PDE4B: variants seen among roughly 807,000 people sequenced by gnomAD.
PDE4B encodes the protein phosphodiesterase 4B.
A neutral mutation model predicts 82.2 loss-of-function variants in PDE4B; 20 were observed. The ratio of observed to expected loss-of-function variants is 0.24; its 90% CI spans 0.17 to 0.35. The LOEUF (loss-of-function observed/expected upper bound fraction) is 0.35, where lower values mean the gene tolerates loss of function less well. PDE4B is among the 10% of genes least tolerant of loss of function. The pLI, the probability that PDE4B is intolerant of heterozygous loss-of-function variation, is 1.00. For missense variants in PDE4B, 655 were observed against 907.2 expected, an observed-to-expected ratio of 0.72 and a Z score of 3.57; for synonymous variants, 320 against 318.9, an observed-to-expected ratio of 1.00 and a Z score of -0.04.
chr1:66,320,502 T>C (rs755341907), intron 7 of PDE4B, among the ~76,000 whole-genome samples: 18 of 152,202 alleles, frequency 1.2e-4, no homozygotes, highest in Admixed American at 3.3e-4. Flanking sequence ...GGTGATTTGT[T>C]TGGAGACTAG....
Position 65,964,507 on chromosome 1 carries a change from C to T in PDE4B, c.281+45672C>T, listed in dbSNP as rs545358250. On this transcript the variant is annotated intron_variant, in intron 3 of 16. Transcript: ENST00000341517. ...AACCATAGTGTGAAAATCAATTCAC[C>T]AGAAAACTCTGTGTGTTTACAATGT... Among the ~76,000 whole-genome samples the T allele has an allele frequency of 2.6e-5, 4 of 152,182 alleles. No homozygotes were observed. The East Asian group carries it at 7.7e-4, about 29-fold the overall frequency.
intron 1 of PDE4B, among the ~76,000 whole-genome samples, chr1:65,890,464 T>C (rs1271518445): frequency 6.6e-6 from 1 of 152,144 alleles, no homozygotes; most frequent in East Asian, 1.9e-4. Flanking sequence ...CTTTGCTTAC[T>C]GTGGTAACTT....
intron 3 of PDE4B, among the ~76,000 whole-genome samples, chr1:66,088,281 A>G (rs1644938965): frequency 6.6e-6 from 1 of 152,002 alleles, no homozygotes; most frequent in Non-Finnish European, 1.5e-5. Context: ...TTATTTTTTA[A>G]GGACAGGAAG....
intron 3 of PDE4B, among the ~76,000 whole-genome samples, chr1:66,212,438 C>T (rs968978957): frequency 6.6e-6 from 1 of 152,176 alleles, no homozygotes; most frequent in Non-Finnish European, 1.5e-5. Flanking sequence ...CACGTGAAAA[C>T]TCCCTCCTCT....
intron 7 of PDE4B, among the ~76,000 whole-genome samples, chr1:66,316,655 C>G (rs1451139294): frequency 6.6e-6 from 1 of 152,210 alleles, no homozygotes; most frequent in Non-Finnish European, 1.5e-5. Context: ...TTGGTCTAAA[C>G]CAAACACTGA....
At chr1:65,896,932 G>T (rs1436349069) in intron 1 of PDE4B, among the ~76,000 whole-genome samples, 1 of 151,996 alleles carries the variant, frequency 6.6e-6, no homozygotes, top group Non-Finnish European at 1.5e-5. Flanking sequence ...TTTCTATTGT[G>T]TTTTTTAAAA....
At chr1:66,338,999 A>G (rs2101942425) in intron 8 of PDE4B, among the ~76,000 whole-genome samples, 1 of 148,332 alleles carries the variant, frequency 6.7e-6, no homozygotes, top group East Asian at 2.0e-4. Context: ...AGCCTGGGCG[A>G]CAGAGCGAGA....
chr1:65,837,043 G>A (rs978405035), intron 1 of PDE4B, among the ~76,000 whole-genome samples: 1 of 151,490 alleles, frequency 6.6e-6, no homozygotes, highest in Non-Finnish European at 1.5e-5. Context: ...TCAACTGCTG[G>A]AAATGTCACT....
intron 3 of PDE4B, among the ~76,000 whole-genome samples, chr1:66,012,543 C>G (rs771215507): frequency 6.6e-6 from 1 of 152,020 alleles, no homozygotes; most frequent in Non-Finnish European, 1.5e-5. Context: ...AGGCTCACAC[C>G]CCACTTCCTT....
chr1:66,038,149 T>A (rs541459325), intron 3 of PDE4B, among the ~76,000 whole-genome samples: 1 of 152,266 alleles, frequency 6.6e-6, no homozygotes, highest in East Asian at 1.9e-4. Flanking sequence ...GGGGTAGGAT[T>A]CATTTATTCA....
chr1:65,914,896 C>T (rs934149119), intron 2 of PDE4B, among the ~76,000 whole-genome samples: 1 of 152,118 alleles, frequency 6.6e-6, no homozygotes, highest in African/African-American at 2.4e-5. Context: ...GTGGTAGCCA[C>T]CAGCCACATG....
At chr1:66,070,560 C>A (rs963774353) in intron 3 of PDE4B, among the ~76,000 whole-genome samples, 1 of 151,898 alleles carries the variant, frequency 6.6e-6, no homozygotes, top group South Asian at 2.1e-4. Context: ...ACATTTTTGG[C>A]TCACCTTTTG....
At chr1:66,307,664 C>G (rs1658377042) in intron 7 of PDE4B, among the ~76,000 whole-genome samples, 1 of 152,058 alleles carries the variant, frequency 6.6e-6, no homozygotes, top group Admixed American at 6.6e-5. Flanking sequence ...TAAAGTAGTG[C>G]ATTTGTGGTA....
chr1:66,231,483 A>G (rs1651943240), intron 3 of PDE4B, among the ~76,000 whole-genome samples: 1 of 152,244 alleles, frequency 6.6e-6, no homozygotes, highest in African/African-American at 2.4e-5. Context: ...AAATGGAGTT[A>G]TTGACAGAGC....
At chr1:66,071,911 C>T (rs1243494126) in intron 3 of PDE4B, among the ~76,000 whole-genome samples, 1 of 152,052 alleles carries the variant, frequency 6.6e-6, no homozygotes, top group Non-Finnish European at 1.5e-5. Context: ...TTGTACAACT[C>T]TTTAATTTTA....
chr1:65,888,741 C>T (rs1571074258), intron 1 of PDE4B, among the ~76,000 whole-genome samples: 1 of 151,878 alleles, frequency 6.6e-6, no homozygotes, highest in East Asian at 1.9e-4. Flanking sequence ...TGATTTCTTT[C>T]TCAACTAGTT....
chr1:66,090,621 A>ATATATATATATATATATATGTGTGTGTG, intron 3 of PDE4B, among the ~76,000 whole-genome samples: 14 of 122,678 alleles, frequency 1.1e-4, no homozygotes, highest in African/African-American at 5.3e-4. Context: ...TATATAATAT[A>ATATATATATATATATATATGTGTGTGTG]TGTGTGTGTG....
At chr1:65,956,853 A>G (rs1649288026) in intron 3 of PDE4B, among the ~76,000 whole-genome samples, 1 of 152,102 alleles carries the variant, frequency 6.6e-6, no homozygotes, top group Admixed American at 6.6e-5. Context: ...TTTGAAAGTG[A>G]TTGAAAATTT....
chr1:65,942,336 G>A (rs4255359), intron 3 of PDE4B, among the ~76,000 whole-genome samples: 25,490 of 151,576 alleles, frequency 0.17, 2,741 homozygotes, highest in Non-Finnish European at 0.24. Context: ...GTCCATCCAT[G>A]TTGTCACAAA....
Sources: allele counts gnomAD v4.1 joint callset (sites outside exome capture counted in the v4.1 genomes callset), GRCh38; gene constraint gnomAD v4.1.1; transcripts MANE v1.5; gene names NCBI Gene and HGNC (gene_info 2026-07-23, HGNC 2026-07-21).